The following ASPM variants were observed in gnomAD, a reference collection of about 807,000 sequenced individuals.
ASPM encodes the protein assembly factor for spindle microtubules.
Under a neutral mutation model 366.4 loss-of-function variants are expected in ASPM, and 256 were observed. The observed-to-expected ratio is 0.70, with a 90% CI of 0.63 to 0.77. ASPM has a LOEUF of 0.77. Ranked by LOEUF, ASPM falls within the 30% of genes least tolerant of loss-of-function variation. The pLI is 0.00. For missense variants in ASPM, 4,146 were observed against 4,090.4 expected, an observed-to-expected ratio of 1.01 and a Z score of -0.37; for synonymous variants, 1,414 against 1,342.9, an observed-to-expected ratio of 1.05 and a Z score of -1.16.
At chr1:197,135,268 T>C in intron 4 of ASPM, 26 bp from the exon 5 acceptor site, 1 of 1,612,548 alleles carries the variant, frequency 6.2e-7, no homozygotes, top group Non-Finnish European at 8.5e-7. Flanking sequence ...GGTTACTGCA[T>C]AACAAAATTT....
In ASPM at chr1:197,130,003, C is replaced by T. The variant is rs771352745; in HGVS notation, c.2541G>A (p.Leu847=). ...GTAGGCGATTCAGAATAAACATAGCCAACCCTGTGACATCACTGTTATCTT... is the reference window on the plus strand; with the variant it reads ...GTAGGCGATTCAGAATAAACATAGCTAACCCTGTGACATCACTGTTATCTT... ...SLEDNSDVTG[L]AMFILNRLLW... The change falls in exon 8 of 28, where the codon TTG becomes TTA. Residue 847 remains leucine, a synonymous_variant. Transcript: ENST00000367409. The T allele has an allele frequency of 1.9e-6, 3 of 1,613,954 alleles. No homozygotes were observed. The highest frequency in any genetic ancestry group is 1.7e-6 in the Non-Finnish European group (2 of 1,179,920).
At chr1:197,114,469 G>C (rs903902474) in intron 17 of ASPM, among the ~76,000 whole-genome samples, 25 of 152,182 alleles carry the variant, frequency 1.6e-4, no homozygotes, top group Non-Finnish European at 2.9e-4. Context: ...CCACTTATTA[G>C]CGTTTTACCC....
Position 197,090,009 on chromosome 1 carries a change from A to C in ASPM, c.9905T>G (p.Leu3302Trp), listed in dbSNP as rs1310073470. 8 of 1,613,496 alleles carry C rather than the reference A, an allele frequency of 5.0e-6. No individual in the cohort carries two copies. The highest frequency in any genetic ancestry group is 6.8e-6 in the Non-Finnish European group (8 of 1,179,632). ...QSGAISKIFVLIRSCNRSIPC... is the reference protein window; with the variant it reads ...QSGAISKIFVWIRSCNRSIPC... ...AATACTGCGATTACAACTTCGGATC[A>C]AAACAAATATTTTAGAAATTGCTCC... The change falls in exon 25 of 28, where the codon TTG becomes TGG. Residue 3302 changes from leucine (L) to tryptophan (W), a missense_variant. Transcript: ENST00000367409.
chr1:197,110,964 A>G (rs918417608), intron 17 of ASPM, among the ~76,000 whole-genome samples: 3 of 152,146 alleles, frequency 2.0e-5, no homozygotes, highest in Non-Finnish European at 4.4e-5. Context: ...CTTAAATGTA[A>G]GACCCAAACC....
chr1:197,101,420 C>G lies in ASPM; in HGVS notation c.7831G>C (p.Gly2611Arg). 6.2e-7 allele frequency: 1 copy of G among 1,608,470 alleles called. No homozygotes were observed. The highest frequency in any genetic ancestry group is 1.1e-5 in the South Asian group (1 of 90,990). The part of the protein sequence containing the change: ...ELKKETCVQA[G>R]FQDMNIKKQI... ...TTTTTTATGTTCATGTCCTGAAAAC[C>G]TGCCTGAACACAAGTCTCTTTCTTA... Residue 2611 changes from glycine to arginine, a missense_variant, in exon 18 of 28, where the codon GGT becomes CGT. Around this residue, in one of 3 missense-constraint regions of ASPM, gnomAD observed 3,624 missense variants for 3,591.7 expected, o/e 1.01. Transcript: ENST00000367409.
rs1208099003 is a variant in ASPM, at chr1:197,090,329, T to C, written c.9696A>G (p.Ile3232Met). The C allele has an allele frequency of 6.2e-7, 1 of 1,612,762 alleles. No individual in the cohort carries two copies. The highest frequency in any genetic ancestry group is 1.7e-5 in the Admixed American group (1 of 59,914). Reference sequence around the variant, plus strand: ...TATTAACAACTTGAAGACTTAGTCGTATAGCTTTAATTTTTGTACAATCAT... The same window carrying C: ...TATTAACAACTTGAAGACTTAGTCGCATAGCTTTAATTTTTGTACAATCAT... ...KKNDCTKIKA[I>M]RLSLQVVNRE... The change falls in exon 24 of 28, where the codon ATA (isoleucine) becomes ATG (methionine). Residue 3232 changes from isoleucine to methionine, a missense_variant. Ile to Met is a conservative substitution (Grantham distance 10, BLOSUM62 1). This residue lies in a region of ASPM where 3,624 missense variants were observed against 3,591.7 expected (regional missense o/e 1.01). Transcript: ENST00000367409.
rs1288212889 is a variant in ASPM, at chr1:197,103,583, C to A, written c.5668G>T (p.Val1890Phe). The A allele has an allele frequency of 1.2e-6, 2 of 1,612,916 alleles. No homozygotes were observed. The highest frequency in any genetic ancestry group is 1.7e-6 in the Non-Finnish European group (2 of 1,179,460). The change falls in exon 18 of 28, where the codon GTT (valine) becomes TTT (phenylalanine). Residue 1890 changes from valine (V) to phenylalanine (F), a missense_variant. Transcript: ENST00000367409. ...SLQSAYRGWK[V>F]RKQIRREHQA... ...TGTTCCCTTCTAATCTGTTTCCGAA[C>A]CTTCCAGCCACGATAAGCAGACTGG...
Position 197,100,416 on chromosome 1 carries a change from T to G in ASPM, c.8820+15A>C, listed in dbSNP as rs770170641. ...AAGACTCACAGTTTTATATTTAAAT[T>G]AAATATAGAAATACCTGAATTTTTA... is the stretch of plus-strand genomic sequence containing the variant. On this transcript the variant is annotated intron_variant, in intron 18 of 27. Coordinates refer to ENST00000367409, the MANE Select transcript of ASPM (RefSeq NM_018136.5). 2.8e-6 allele frequency: 4 copies of G among 1,429,846 alleles called. No individual in the cohort carries two copies. In the African/African-American group the frequency reaches 5.8e-5, roughly 21 times the overall value. 88.6% of individuals were successfully genotyped at this position (1,429,846 alleles called of 1,614,324 possible). A position where few individuals can be genotyped will look rare whatever the true frequency, so the allele number is the denominator to read the frequency against.
rs756048498 is a variant in ASPM at position 197,103,682 on chromosome 1, A to T, written c.5569T>A (p.Trp1857Arg). ...VLQSIIKIQR[W>R]YRAYKTLHDT... ...TGAAGAGTCTTGTACGCCCTGTACC[A>T]TCTCTGAATCTTTATTATAGATTGA... The change falls in exon 18 of 28, where the codon TGG (tryptophan) becomes AGG (arginine). Residue 1857 changes from tryptophan (W) to arginine (R), a missense_variant. Trp to Arg is a moderately radical substitution (Grantham distance 101). Transcript: ENST00000367409. 2 of 1,612,930 alleles carry T rather than the reference A, an allele frequency of 1.2e-6. No homozygotes were observed. Among genetic ancestry groups the T allele is most frequent in the Non-Finnish European group, 1.7e-6 (2 of 1,179,400 alleles).
chr1:197,116,712 A>AT (rs1657746787), intron 17 of ASPM, among the ~76,000 whole-genome samples: 1 of 152,198 alleles, frequency 6.6e-6, no homozygotes, highest in Admixed American at 6.5e-5. Context: ...AATAGAACAG[A>AT]TTAAGTATAG....
chr1:197,145,446 G>GTA (rs1444689472), intron 1 of ASPM, among the ~76,000 whole-genome samples: 1 of 151,926 alleles, frequency 6.6e-6, no homozygotes, highest in African/African-American at 2.4e-5. Context: ...CATACTACAC[G>GTA]TATATATTGA....
At chr1:197,094,693 A>C (rs913520488) in intron 19 of ASPM, among the ~76,000 whole-genome samples, 1 of 151,758 alleles carries the variant, frequency 6.6e-6, no homozygotes, top group Non-Finnish European at 1.5e-5. Flanking sequence ...CTGGAGAAAA[A>C]TTTTAAAAAA....
At position 197,103,667 on chromosome 1, in the gene ASPM, T is replaced by C. The variant is rs527602809; in HGVS notation, c.5584A>G (p.Lys1862Glu). 430 of 1,612,938 alleles carry C rather than the reference T, an allele frequency of 2.7e-4. 3 individuals carry two copies. The South Asian group carries it at 4.3e-3, about 16-fold the overall frequency. The change falls in exon 18 of 28, where the codon AAG becomes GAG. Residue 1862 changes from lysine (K) to glutamate (E), a missense_variant. By Grantham distance (56) the Lys-to-Glu change is moderately conservative (BLOSUM62 1). Around this residue, in one of 3 missense-constraint regions of ASPM, gnomAD observed 3,624 missense variants for 3,591.7 expected, o/e 1.01. Transcript: ENST00000367409. ...TGTGTTCTTGTATCATGAAGAGTCTTGTACGCCCTGTACCATCTCTGAATC... is the reference window on the plus strand; with the variant it reads ...TGTGTTCTTGTATCATGAAGAGTCTCGTACGCCCTGTACCATCTCTGAATC... ...IKIQRWYRAY[K>E]TLHDTRTHFL...
intron 3 of ASPM, among the ~76,000 whole-genome samples, chr1:197,140,166 T>C (rs1319570862): frequency 2.0e-5 from 3 of 152,228 alleles, no homozygotes; most frequent in Non-Finnish European, 4.4e-5. Context: ...GCTGAGAATA[T>C]GCAGAATTGA....
rs145489194 is a variant in ASPM at position 197,133,380 on chromosome 1, G to C, written c.2389C>G (p.Arg797Gly). The C allele has an allele frequency of 4.3e-6, 7 of 1,613,654 alleles. No individual in the cohort carries two copies. The highest frequency in any genetic ancestry group is 4.0e-5 in the African/African-American group (3 of 74,978). ...TCTTTCCATAGGTGTCTATCTTTTCGAACAATTAACCGCCTAGCTTCAATT... is the reference window on the plus strand; with the variant it reads ...TCTTTCCATAGGTGTCTATCTTTTCCAACAATTAACCGCCTAGCTTCAATT... ...IEIEARRLIV[R>G]KDRHLWKDVG... The change falls in exon 6 of 28, where the codon CGA (arginine) becomes GGA (glycine). Residue 797 changes from arginine (R) to glycine (G), a missense_variant. Coordinates refer to ENST00000367409, the MANE Select transcript of ASPM (RefSeq NM_018136.5).
rs767687067 is a variant in ASPM, at chr1:197,086,815, C to A, written c.10319G>T (p.Arg3440Ile). Residue 3440 changes from arginine to isoleucine, a missense_variant, in exon 27 of 28, where the codon AGA becomes ATA. Transcript: ENST00000367409. ...TTTAATTGCTTACCTTGAAACTATT[C>A]TGGTCCTTACAGGTGTTTCTGGGAT... is the stretch of plus-strand genomic sequence containing the variant. ...PFIPETPVRT[R>I]IVSRLKPDWV... 2.5e-6 allele frequency: 4 copies of A among 1,608,260 alleles called. No individual in the cohort carries two copies. The South Asian group carries it at 4.4e-5, about 18-fold the overall frequency.
At position 197,084,379 on chromosome 1, in the gene ASPM, G is replaced by T. The variant is rs760303582; in HGVS notation, c.10379C>A (p.Thr3460Lys). 1 of 1,610,482 alleles carries T rather than the reference G, an allele frequency of 6.2e-7. No individual in the cohort carries two copies. Among genetic ancestry groups the T allele is most frequent in the Non-Finnish European group, 8.5e-7 (1 of 1,179,158 alleles). The change falls in exon 28 of 28, where the codon ACA becomes AAA. Residue 3460 changes from threonine (T) to lysine (K), a missense_variant. Thr to Lys is a moderately conservative substitution (Grantham distance 78). Coordinates refer to ENST00000367409, the MANE Select transcript of ASPM (RefSeq NM_018136.5). ...VLRRDNMEEI[T>K]NPLQAIQMVM... ...CATTTGAATAGCTTGCAGGGGATTT[G>T]TGATTTCTTCCATGTTATCTCTTCT...
chr1:197,137,475 G>A (rs937037662), intron 4 of ASPM, among the ~76,000 whole-genome samples: 2 of 152,166 alleles, frequency 1.3e-5, no homozygotes, highest in Non-Finnish European at 2.9e-5. Flanking sequence ...ATCGTAGGCC[G>A]GGCATGGTGG....
Position 197,104,048 on chromosome 1 carries a change from G to A in ASPM, c.5203C>T (p.Leu1735=). 1 of 1,612,848 alleles carries A rather than the reference G, an allele frequency of 6.2e-7. No homozygotes were observed. The highest frequency in any genetic ancestry group is 8.5e-7 in the Non-Finnish European group (1 of 1,179,436). ...AGGTATCCTCTAACAAATGCTTGCA[G>A]TTTGATACAAGATTCCCGCATCTGC... The part of the protein sequence containing the change: ...YMQMRESCIK[L]QAFVRGYLVR... Residue 1735 remains leucine (L), a synonymous_variant, in exon 18 of 28, where the codon CTG becomes TTG. Transcript: ENST00000367409.
Sources: allele counts gnomAD v4.1 joint callset (sites outside exome capture counted in the v4.1 genomes callset), GRCh38; gene constraint gnomAD v4.1.1; regional missense constraint gnomAD v4.1.1; transcripts MANE v1.5; gene names NCBI Gene and HGNC (gene_info 2026-07-23, HGNC 2026-07-21).